OMD: variants seen among roughly 807,000 people sequenced by gnomAD.
OMD encodes the protein osteomodulin, also known as KSPG osteomodulin.
In OMD, 19 loss-of-function variants were observed where a neutral mutation model predicts 31.2. The observed-to-expected ratio is 0.61, with a 90% CI of 0.42 to 0.89. The LOEUF is 0.89. Among genes scored for constraint, OMD ranks in the 40% least tolerant of loss-of-function variants. OMD has a pLI of 0.00. For missense variants in OMD, 448 were observed against 490.8 expected (o/e 0.91, Z 0.82); for synonymous variants, 155 against 166.4 (o/e 0.93, Z 0.53).
At chr9:92,419,588 T>C (rs1284171247) in intron 1 of OMD, among the ~76,000 whole-genome samples, 5 of 152,172 alleles carry the variant, frequency 3.3e-5, no homozygotes, top group African/African-American at 1.2e-4. Context: ...CGTGAGCCAC[T>C]GCATCCAGCC....
Position 92,416,763 on chromosome 9 carries a change from G to A in OMD, c.796C>T (p.His266Tyr), listed in dbSNP as rs775330693. 46 of 1,613,658 alleles carry A rather than the reference G, an allele frequency of 2.9e-5. No individual in the cohort carries two copies. Among genetic ancestry groups the A allele is most frequent in the Non-Finnish European group, 3.7e-5 (44 of 1,179,746 alleles). ...TATGGGATGTCTTGTAGTTTGTTGTGTGACATTCTTAGAGTATGAAGTTTT... is the reference window on the plus strand; with the variant it reads ...TATGGGATGTCTTGTAGTTTGTTGTATGACATTCTTAGAGTATGAAGTTTT... ...LPKLHTLRMSHNKLQDIPYNI... is the reference protein window; with the variant it reads ...LPKLHTLRMSYNKLQDIPYNI... The change falls in exon 2 of 3, where the codon CAC becomes TAC. Residue 266 changes from histidine to tyrosine, a missense_variant. By Grantham distance (83) the His-to-Tyr change is moderately conservative (BLOSUM62 2). Coordinates refer to ENST00000375550, the MANE Select transcript of OMD (RefSeq NM_005014.3).
rs1564310433 is a variant in OMD at position 92,417,523 on chromosome 9, GA to G, written c.35del (p.Phe12SerfsTer38). 1 of 1,604,562 alleles carries G rather than the reference GA, an allele frequency of 6.2e-7. No homozygotes were observed. The highest frequency in any genetic ancestry group is 1.7e-5 in the Admixed American group (1 of 57,458). ...GGCAATGTACTTTGACTCCAAAAAA[GA>G]AGAAAATAACATATATTGGACTTAA... ...GFLSPIYVIF[F>X]FFGVKVHCQY... On this transcript the variant is annotated frameshift_variant, in exon 2 of 3. Coordinates refer to ENST00000375550, the MANE Select transcript of OMD (RefSeq NM_005014.3). LOFTEE classifies it high-confidence loss of function.
At chr9:92,416,098 ATTTTAT>A (rs1297187390) in intron 2 of OMD, among the ~76,000 whole-genome samples, 6 of 133,530 alleles carry the variant, frequency 4.5e-5, no homozygotes, top group African/African-American at 1.8e-4. Context: ...TTATTTATTT[ATTTTAT>A]TTTTTTTTTT....
rs776094891 is a variant in OMD at position 92,412,508 on chromosome 9, C to G, written c.*2644G>C. Among the ~76,000 whole-genome samples the G allele has an allele frequency of 4.6e-5, 7 of 151,764 alleles. No homozygotes were observed. The highest frequency in any genetic ancestry group is 8.8e-5 in the Non-Finnish European group (6 of 67,870). On this transcript the variant is annotated 3_prime_UTR_variant, in exon 3 of 3. Coordinates refer to ENST00000375550, the MANE Select transcript of OMD (RefSeq NM_005014.3). Reference sequence around the variant, plus strand: ...CATATACCCATTAGCAGTTACTTCTCACTTTCCCCATTCCCATGATCCCCA... The same window carrying G: ...CATATACCCATTAGCAGTTACTTCTGACTTTCCCCATTCCCATGATCCCCA...
intron 1 of OMD, among the ~76,000 whole-genome samples, chr9:92,419,577 G>C (rs577840762): frequency 1.3e-5 from 2 of 152,150 alleles, no homozygotes; most frequent in Non-Finnish European, 2.9e-5. Context: ...GGGATTACGG[G>C]CGTGAGCCAC....
At chr9:92,419,594 C>T (rs1490843797) in intron 1 of OMD, among the ~76,000 whole-genome samples, 2 of 152,190 alleles carry the variant, frequency 1.3e-5, no homozygotes, top group Non-Finnish European at 2.9e-5. Context: ...CCACTGCATC[C>T]AGCCTCCTTG....
At chr9:92,416,056 G>C (rs1331075246) in intron 2 of OMD, among the ~76,000 whole-genome samples, 1 of 83,452 alleles carries the variant, frequency 1.2e-5, no homozygotes, top group African/African-American at 3.3e-5. Flanking sequence ...TTATATATGT[G>C]TGTATATATA....
At position 92,414,623 on chromosome 9, in the gene OMD, G is replaced by A; in HGVS notation, c.*529C>T. On this transcript the variant is annotated 3_prime_UTR_variant, in exon 3 of 3. Transcript: ENST00000375550. ...TCTATGTGCTATGTGGTGAGCTAGG[G>A]GGATGGATGTCATAATGGTGAGATC... 1 of 208,682 alleles carries A rather than the reference G, an allele frequency of 4.8e-6. No homozygotes were observed. The highest frequency in any genetic ancestry group is 9.7e-6 in the Non-Finnish European group (1 of 102,638). The allele number at this position is 208,682 out of a possible 1,614,324, so 12.9% of individuals were successfully genotyped here. A position where few individuals can be genotyped will look rare whatever the true frequency, so the allele number is the denominator to read the frequency against.
chr9:92,418,087 C>A (rs925071157), intron 1 of OMD, among the ~76,000 whole-genome samples: 48 of 147,700 alleles, frequency 3.2e-4, no homozygotes, highest in African/African-American at 1.1e-3. Flanking sequence ...TTTTCTTTTT[C>A]TTTTTCTTTT....
chr9:92,423,212 G>C (rs558496149), intron 1 of OMD, among the ~76,000 whole-genome samples: 1 of 151,888 alleles, frequency 6.6e-6, no homozygotes, highest in Non-Finnish European at 1.5e-5. Context: ...CTAGTACATC[G>C]TGTAGCAGGA....
chr9:92,416,771 C>A lies in OMD; in HGVS notation c.788G>T (p.Arg263Ile), dbSNP rs1489186543. Residue 263 changes from arginine to isoleucine, a missense_variant, in exon 2 of 3, where the codon AGA becomes ATA. Coordinates refer to ENST00000375550, the MANE Select transcript of OMD (RefSeq NM_005014.3). ...FDKLPKLHTL[R>I]MSHNKLQDIP... ...GTCTTGTAGTTTGTTGTGTGACATTCTTAGAGTATGAAGTTTTGGAAGTTT... is the reference window on the plus strand; with the variant it reads ...GTCTTGTAGTTTGTTGTGTGACATTATTAGAGTATGAAGTTTTGGAAGTTT... The A allele has an allele frequency of 1.1e-5, 18 of 1,613,782 alleles. No homozygotes were observed. The highest frequency in any genetic ancestry group is 1.5e-5 in the Non-Finnish European group (18 of 1,179,826).
intron 2 of OMD, among the ~76,000 whole-genome samples, chr9:92,416,092 T>C (rs1398678093): frequency 7.3e-6 from 1 of 137,100 alleles, no homozygotes; most frequent in Non-Finnish European, 1.6e-5. Flanking sequence ...ATTTATTTAT[T>C]TATTTATTTT....
intron 1 of OMD, among the ~76,000 whole-genome samples, chr9:92,420,493 C>T (rs1358455341): frequency 6.6e-6 from 1 of 152,172 alleles, no homozygotes; most frequent in Non-Finnish European, 1.5e-5. Context: ...GTCTCACTCT[C>T]GATTCAAGAC....
Position 92,416,628 on chromosome 9 carries a change from C to G in OMD, c.931G>C (p.Glu311Gln), listed in dbSNP as rs1843620868. 1 of 1,535,574 alleles carries G rather than the reference C, an allele frequency of 6.5e-7. No individual in the cohort carries two copies. Among genetic ancestry groups the G allele is most frequent in the Non-Finnish European group, 8.8e-7 (1 of 1,135,278 alleles). The change falls in exon 2 of 3, where the codon GAA (glutamate) becomes CAA (glutamine). Residue 311 changes from glutamate to glutamine, a missense_variant. Physicochemically the swap from Glu to Gln is conservative, Grantham distance 29 (BLOSUM62 2). Coordinates refer to ENST00000375550, the MANE Select transcript of OMD (RefSeq NM_005014.3). ...NLEHLYLQNN[E>Q]IEKMNLTVMC... ...ATAAAAGTCTACATACTTTCTATTT[C>G]ATTATTTTGTAGGTATAGGTGTTCC...
intron 1 of OMD, among the ~76,000 whole-genome samples, chr9:92,422,791 T>C (rs557425608): frequency 1.1e-4 from 17 of 152,324 alleles, no homozygotes; most frequent in African/African-American, 4.1e-4. Context: ...GTTACAACAA[T>C]CTCTTATTTT....
intron 1 of OMD, among the ~76,000 whole-genome samples, chr9:92,420,033 G>A (rs1009135423): frequency 5.3e-5 from 8 of 152,248 alleles, no homozygotes; most frequent in African/African-American, 1.9e-4. Flanking sequence ...AGTTATTCAG[G>A]TAGAGTCAGA....
chr9:92,419,045 A>G (rs1843704859), intron 1 of OMD, among the ~76,000 whole-genome samples: 1 of 152,180 alleles, frequency 6.6e-6, no homozygotes, highest in Non-Finnish European at 1.5e-5. Context: ...GGAGAATCAA[A>G]TACACGTGCA....
intron 1 of OMD, among the ~76,000 whole-genome samples, chr9:92,417,795 TGCA>T (rs1843664142): frequency 6.6e-6 from 1 of 152,164 alleles, no homozygotes; most frequent in Non-Finnish European, 1.5e-5. Flanking sequence ...CTCGGCTCAC[TGCA>T]ACTTCTGCCT....
chr9:92,416,058 G>GTGTGTGTATATATATATATA (rs6151074), intron 2 of OMD, among the ~76,000 whole-genome samples: 4 of 130,916 alleles, frequency 3.1e-5, no homozygotes, highest in South Asian at 5.0e-4. Flanking sequence ...ATATATGTGT[G>GTGTGTGTATATATATATATA]TATATATATA....
Sources: allele counts gnomAD v4.1 joint callset (sites outside exome capture counted in the v4.1 genomes callset), GRCh38; gene constraint gnomAD v4.1.1; transcripts MANE v1.5; gene names NCBI Gene and HGNC (gene_info 2026-07-23, HGNC 2026-07-21).